The following ASXL3 variants were observed in gnomAD, a reference collection of about 807,000 sequenced individuals.
ASXL3 encodes ASXL transcriptional regulator 3.
In ASXL3, 34 loss-of-function variants were observed where a neutral mutation model predicts 170.6. The ratio of observed to expected loss-of-function variants is 0.20; its 90% CI spans 0.15 to 0.27. ASXL3 has a LOEUF of 0.27. ASXL3 is among the 10% of genes least tolerant of loss of function. ASXL3 has a pLI of 1.00. For synonymous variants in ASXL3, 1,002 were observed against 989.1 expected (o/e 1.01, Z -0.24); for missense variants, 2,592 against 2,695.3 (o/e 0.96, Z 0.85).
In ASXL3 at chr18:33,680,544, G is replaced by A. The variant is rs189120689; in HGVS notation, c.716-2861G>A. Among the ~76,000 whole-genome samples the A allele has an allele frequency of 7.2e-5, 11 of 152,066 alleles. No homozygotes were observed. In the East Asian group the frequency reaches 1.9e-3, roughly 27 times the overall value. ...ATTTTGATCCAATCTATCAGGTTTT[G>A]GTAATGTATGTTAAGACTTTCTGGT... On this transcript the variant is annotated intron_variant, in intron 7 of 11. Coordinates refer to ENST00000269197, the MANE Select transcript of ASXL3 (RefSeq NM_030632.3).
intron 8 of ASXL3, among the ~76,000 whole-genome samples, chr18:33,697,772 G>C (rs2066796228): frequency 6.6e-6 from 1 of 151,990 alleles, no homozygotes; most frequent in Non-Finnish European, 1.5e-5. Flanking sequence ...GAGAGGCCAA[G>C]GGGAAAGGAT....
At chr18:33,705,266 A>G (rs868797342) in intron 8 of ASXL3, among the ~76,000 whole-genome samples, 1 of 151,626 alleles carries the variant, frequency 6.6e-6, no homozygotes, top group Admixed American at 6.6e-5. Flanking sequence ...TGTCTACTAC[A>G]TATTTATTTC....
intron 1 of ASXL3, among the ~76,000 whole-genome samples, chr18:33,604,658 A>T (rs1328311109): frequency 1.3e-5 from 2 of 152,036 alleles, no homozygotes; most frequent in Non-Finnish European, 2.9e-5. Flanking sequence ...TAAAATTCCC[A>T]GAAGTGCCGT....
chr18:33,641,394 A>G (rs961278804), intron 2 of ASXL3, among the ~76,000 whole-genome samples: 1 of 151,870 alleles, frequency 6.6e-6, no homozygotes, highest in South Asian at 2.1e-4. Context: ...CTTACAGTAC[A>G]GGGGGAAAAA....
intron 4 of ASXL3, among the ~76,000 whole-genome samples, chr18:33,648,280 T>G (rs182470393): frequency 8.6e-4 from 130 of 151,998 alleles, no homozygotes; most frequent in Admixed American, 4.4e-3. Context: ...AGGAGAGGTG[T>G]TGTTGATTTG....
chr18:33,713,251 T>G (rs1413834715), intron 8 of ASXL3, among the ~76,000 whole-genome samples: 1 of 85,528 alleles, frequency 1.2e-5, no homozygotes, highest in African/African-American at 5.0e-5. Flanking sequence ...TTGTTTTGTT[T>G]TTTTTTTTTT....
chr18:33,682,715 T>A (rs572047776), intron 7 of ASXL3, among the ~76,000 whole-genome samples: 7 of 152,068 alleles, frequency 4.6e-5, no homozygotes, highest in African/African-American at 1.7e-4. Context: ...CCTGCCTAAT[T>A]AAAAAAAATT....
At chr18:33,635,116 G>A (rs1221164331) in intron 2 of ASXL3, among the ~76,000 whole-genome samples, 1 of 152,120 alleles carries the variant, frequency 6.6e-6, no homozygotes, top group East Asian at 1.9e-4. Flanking sequence ...ATTGGAATGG[G>A]CTTTAGAAAG....
chr18:33,691,332 A>G (rs1308884908), intron 8 of ASXL3, among the ~76,000 whole-genome samples: 1 of 150,750 alleles, frequency 6.6e-6, no homozygotes, highest in Non-Finnish European at 1.5e-5. Flanking sequence ...AGTTTACTTC[A>G]CTGTTCTCTG....
rs1435943240 is a variant in ASXL3 at position 33,578,298 on chromosome 18, G to C, written c.-334G>C. The C allele has an allele frequency of 4.8e-5, 7 of 146,924 alleles. No homozygotes were observed. The highest frequency in any genetic ancestry group is 2.1e-4 in the South Asian group (1 of 4,822). The allele number at this position is 146,924 out of a possible 1,614,324, so 9.1% of individuals were successfully genotyped here. A position where few individuals can be genotyped will look rare whatever the true frequency, so the allele number is the denominator to read the frequency against. ...AGCGGCCGCGGCGGTGGCGCAGCGC[G>C]AGCCCCGCACGAGCGAGCCCGGCCG... On this transcript the variant is annotated 5_prime_UTR_variant, in exon 1 of 12. Transcript: ENST00000269197.
intron 1 of ASXL3, among the ~76,000 whole-genome samples, chr18:33,582,737 TG>T (rs770670539): frequency 0.047 from 7,009 of 150,392 alleles, 213 homozygotes; most frequent in African/African-American, 0.087. Context: ...TGTGTGTGTG[TG>T]TGTTTTCTTG....
intron 1 of ASXL3, among the ~76,000 whole-genome samples, chr18:33,598,059 T>C (rs2065146573): frequency 1.3e-5 from 2 of 152,156 alleles, no homozygotes. Context: ...CTGTTGTCTG[T>C]TTCCATAAGG....
chr18:33,578,720 C>T (rs749878409), intron 1 of ASXL3, 35 bp downstream of exon 1: 5 of 1,154,262 alleles, frequency 4.3e-6, no homozygotes, highest in Non-Finnish European at 4.3e-6. Context: ...CCCGCGCCTC[C>T]CGCCGGCCCC....
In ASXL3 at chr18:33,661,694, T is replaced by C. The variant is rs925767685; in HGVS notation, c.434T>C (p.Leu145Ser). ...SLTNTAVQSKLVSSFQQHTKK... is the reference protein window; with the variant it reads ...SLTNTAVQSKSVSSFQQHTKK... ...ACTAACACAGCAGTGCAAAGCAAGTTAGTGTCTTCCTTCCAGCAGCACACC... is the reference window on the plus strand; with the variant it reads ...ACTAACACAGCAGTGCAAAGCAAGTCAGTGTCTTCCTTCCAGCAGCACACC... Residue 145 changes from leucine (L) to serine (S), a missense_variant, in exon 5 of 12, where the codon TTA (leucine) becomes TCA (serine). By Grantham distance (145) the Leu-to-Ser change is moderately radical (BLOSUM62 -2). Coordinates refer to ENST00000269197, the MANE Select transcript of ASXL3 (RefSeq NM_030632.3). 6.2e-7 allele frequency: 1 copy of C among 1,612,996 alleles called. No homozygotes were observed. Among genetic ancestry groups the C allele is most frequent in the Non-Finnish European group, 8.5e-7 (1 of 1,179,456 alleles).
chr18:33,692,093 C>G (rs2066695270), intron 8 of ASXL3, among the ~76,000 whole-genome samples: 1 of 152,176 alleles, frequency 6.6e-6, no homozygotes, highest in African/African-American at 2.4e-5. Context: ...TGTTCCTTGT[C>G]CCCAAGATGC....
chr18:33,632,230 A>C (rs1426473276), intron 2 of ASXL3, among the ~76,000 whole-genome samples: 1 of 152,122 alleles, frequency 6.6e-6, no homozygotes, highest in Non-Finnish European at 1.5e-5. Context: ...TCATATTATA[A>C]TAAAATTCTT....
chr18:33,623,859 A>G (rs1348878261), intron 2 of ASXL3, among the ~76,000 whole-genome samples: 1 of 152,158 alleles, frequency 6.6e-6, no homozygotes, highest in Non-Finnish European at 1.5e-5. Context: ...TTTAATATAT[A>G]TTAACGACTA....
At chr18:33,708,025 A>G (rs1683910645) in intron 8 of ASXL3, among the ~76,000 whole-genome samples, 1 of 152,148 alleles carries the variant, frequency 6.6e-6, no homozygotes, top group South Asian at 2.1e-4. Context: ...GCAGTTTGCT[A>G]ATATTTTGTT....
At chr18:33,731,814 T>G (rs147902313) in intron 8 of ASXL3, among the ~76,000 whole-genome samples, 154 bp from the exon 9 acceptor site, 1 of 152,146 alleles carries the variant, frequency 6.6e-6, no homozygotes, top group Admixed American at 6.6e-5. Flanking sequence ...GAGCTCCTGC[T>G]CTCTCTCTCC....
Sources: allele counts gnomAD v4.1 joint callset (sites outside exome capture counted in the v4.1 genomes callset), GRCh38; gene constraint gnomAD v4.1.1; transcripts MANE v1.5; gene names NCBI Gene and HGNC (gene_info 2026-07-23, HGNC 2026-07-21).